ZNF365: variants seen among roughly 807,000 people sequenced by gnomAD.
The protein encoded by ZNF365 is zinc finger protein 365.
A neutral mutation model predicts 35.0 loss-of-function variants in ZNF365; 22 were observed. That is an observed-to-expected ratio of 0.63 (90% CI 0.45 to 0.90). The LOEUF (loss-of-function observed/expected upper bound fraction) is 0.90, where lower values mean the gene tolerates loss of function less well. Ranked by LOEUF, ZNF365 falls within the 40% of genes least tolerant of loss-of-function variation. The pLI, the probability that ZNF365 is intolerant of heterozygous loss-of-function variation, is 0.00. For synonymous variants in ZNF365, 188 were observed against 196.2 expected (o/e 0.96, Z 0.35); for missense variants, 448 against 500.3 (o/e 0.90, Z 1.00).
chr10:62,478,513 T>C (rs1202053269), intron 4 of ZNF365, among the ~76,000 whole-genome samples: 1 of 152,226 alleles, frequency 6.6e-6, no homozygotes, highest in Non-Finnish European at 1.5e-5. Flanking sequence ...TCTAGAGAAC[T>C]TTCTCCTCCT....
Position 62,401,481 on chromosome 10 carries a change from G to C in ZNF365, c.*1692G>C, listed in dbSNP as rs1007682369. 33 of 921,864 alleles carry C rather than the reference G, an allele frequency of 3.6e-5. No individual in the cohort carries two copies. Among genetic ancestry groups the C allele is most frequent in the Non-Finnish European group, 4.1e-5 (33 of 797,562 alleles). The allele number at this position is 921,864 out of a possible 1,614,324, so 57.1% of individuals were successfully genotyped here. Reference sequence around the variant, plus strand: ...TCTTGAATCTTCACTTTGACTTTCAGTTTATGGGGGGGGTAGATCATTCAT... The same window carrying C: ...TCTTGAATCTTCACTTTGACTTTCACTTTATGGGGGGGGTAGATCATTCAT... On this transcript the variant is annotated 3_prime_UTR_variant, in exon 5 of 5. Transcript: ENST00000395254.
intron 3 of ZNF365, among the ~76,000 whole-genome samples, chr10:62,433,638 A>G (rs1840364977): frequency 6.6e-6 from 1 of 152,192 alleles, no homozygotes; most frequent in Non-Finnish European, 1.5e-5. Context: ...GCAGAAGGTC[A>G]ACTCCACAGA....
intron 4 of ZNF365, among the ~76,000 whole-genome samples, chr10:62,473,027 A>G (rs1841069645): frequency 6.6e-6 from 1 of 152,148 alleles, no homozygotes; most frequent in Non-Finnish European, 1.5e-5. Flanking sequence ...ATCATCTCCA[A>G]TTTAGGTTTT....
intron 3 of ZNF365, among the ~76,000 whole-genome samples, chr10:62,390,312 C>G (rs1207725203): frequency 6.6e-6 from 1 of 152,126 alleles, no homozygotes; most frequent in Non-Finnish European, 1.5e-5. Context: ...TTGACACTTT[C>G]ATATTTAGAA....
chr10:62,446,885 A>C (rs1043464148), intron 3 of ZNF365, among the ~76,000 whole-genome samples: 4 of 152,042 alleles, frequency 2.6e-5, no homozygotes, highest in Non-Finnish European at 5.9e-5. Flanking sequence ...AGAATGGAGG[A>C]GCATCTAGGA....
chr10:62,458,501 T>C (rs1025907225), intron 3 of ZNF365, among the ~76,000 whole-genome samples: 2 of 133,392 alleles, frequency 1.5e-5, no homozygotes, highest in African/African-American at 2.5e-5. Context: ...CACACACATA[T>C]ATATATAATA....
chr10:62,434,247 T>C (rs1368146539), intron 3 of ZNF365, among the ~76,000 whole-genome samples: 1 of 152,218 alleles, frequency 6.6e-6, no homozygotes, highest in Non-Finnish European at 1.5e-5. Flanking sequence ...GGTCTAAGAT[T>C]GCTCAGTGGT....
At chr10:62,425,957 ATAAT>A (rs1840244772) in intron 3 of ZNF365, among the ~76,000 whole-genome samples, 1 of 152,182 alleles carries the variant, frequency 6.6e-6, no homozygotes, top group Non-Finnish European at 1.5e-5. Context: ...CAAGTTGGTC[ATAAT>A]TAAAGAAATG....
chr10:62,449,110 G>A (rs963334531), intron 3 of ZNF365, among the ~76,000 whole-genome samples: 4 of 152,164 alleles, frequency 2.6e-5, no homozygotes, highest in Non-Finnish European at 5.9e-5. Flanking sequence ...ATTATTTGAG[G>A]GGGAGTAAAG....
At chr10:62,379,074 G>C (rs1839385675) in intron 2 of ZNF365, among the ~76,000 whole-genome samples, 1 of 150,650 alleles carries the variant, frequency 6.6e-6, no homozygotes, top group Non-Finnish European at 1.5e-5. Context: ...CCAGGCTGGA[G>C]TGCAATGGCA....
chr10:62,459,649 T>C, intron 3 of ZNF365: 1 of 1,359,058 alleles, frequency 7.4e-7, no homozygotes, highest in Non-Finnish European at 1.0e-6. Context: ...CTTAAATGAA[T>C]GGAACATGGC....
exon 5 of ZNF365, chr10:62,480,139 C>G: frequency 1.2e-5 from 15 of 1,297,196 alleles, no homozygotes; most frequent in Non-Finnish European, 1.5e-5. Context: ...CACAGCCCAC[C>G]CCTCATGCTT....
chr10:62,412,857 A>G (rs1265463640), intron 3 of ZNF365, among the ~76,000 whole-genome samples: 3 of 152,198 alleles, frequency 2.0e-5, no homozygotes, highest in African/African-American at 7.2e-5. Context: ...AAAGTAATTT[A>G]TAGATTCAAT....
intron 3 of ZNF365, among the ~76,000 whole-genome samples, chr10:62,419,613 G>A (rs1216114443): frequency 6.6e-6 from 1 of 152,104 alleles, no homozygotes; most frequent in Admixed American, 6.6e-5. Flanking sequence ...TATTGAGCGT[G>A]GATTTTAGTG....
downstream of ZNF365, among the ~76,000 whole-genome samples, chr10:62,405,951 A>T (rs1323176493): frequency 6.6e-6 from 1 of 152,230 alleles, no homozygotes; most frequent in African/African-American, 2.4e-5. Context: ...GCTTGAAATT[A>T]TAGCTAACAC....
intron 3 of ZNF365, among the ~76,000 whole-genome samples, chr10:62,391,639 C>T (rs1401353280): frequency 6.6e-6 from 1 of 152,168 alleles, no homozygotes; most frequent in Non-Finnish European, 1.5e-5. Flanking sequence ...TTTATCCACT[C>T]GTTGATTAAT....
intron 3 of ZNF365, among the ~76,000 whole-genome samples, chr10:62,424,222 T>A (rs1840217480): frequency 6.6e-6 from 1 of 152,188 alleles, no homozygotes; most frequent in African/African-American, 2.4e-5. Flanking sequence ...ATCCCATTAC[T>A]GCCCCCTTGC....
intron 3 of ZNF365, among the ~76,000 whole-genome samples, chr10:62,396,759 C>G (rs1008599453): frequency 5.3e-5 from 8 of 151,980 alleles, no homozygotes; most frequent in Admixed American, 5.2e-4. Context: ...TATTTGTTCT[C>G]TCTCTCTCTC....
intron 3 of ZNF365, among the ~76,000 whole-genome samples, chr10:62,428,005 G>T (rs556518248): frequency 1.3e-5 from 2 of 152,122 alleles, no homozygotes; most frequent in South Asian, 2.1e-4. Flanking sequence ...CAAGAGTGGC[G>T]TAGGAACTTT....
Sources: allele counts gnomAD v4.1 joint callset (sites outside exome capture counted in the v4.1 genomes callset), GRCh38; gene constraint gnomAD v4.1.1; transcripts MANE v1.5; gene names NCBI Gene and HGNC (gene_info 2026-07-23, HGNC 2026-07-21).